Variants in EBF3 observed in about 807,000 individuals in gnomAD.
The protein encoded by EBF3 is EBF transcription factor 3, also known as transcription factor COE3.
EBF3 carries 18 observed loss-of-function variants against 77.1 expected under a neutral mutation model. That is an observed-to-expected ratio of 0.23 (90% confidence interval 0.16 to 0.35). The LOEUF (loss-of-function observed/expected upper bound fraction) is 0.35. Ranked by LOEUF, EBF3 falls within the 10% of genes least tolerant of loss-of-function variation. The probability of loss-of-function intolerance (pLI) is 1.00; values close to 1 mark genes in which losing one functional copy is unlikely to be tolerated. For missense variants in EBF3, 558 were observed against 860.0 expected (o/e 0.65, Z 4.39); for synonymous variants, 350 against 343.5 (o/e 1.02, Z -0.21).
At chr10:129,872,574 T>C (rs55870719) in intron 8 of EBF3, among the ~76,000 whole-genome samples, 2,119 of 152,326 alleles carry the variant, frequency 0.014, 53 homozygotes, top group African/African-American at 0.048. Flanking sequence ...CTTAAAACCA[T>C]TTAGTTTTAC....
In EBF3 at chr10:129,897,833, G is replaced by A. The variant is rs887164682; in HGVS notation, c.555-19984C>T. The stretch of plus-strand genomic sequence containing the variant: ...ACTTGTGGGTATGCGAGTACATGGC[G>A]GCCAGAGGCAGATATCATTGAACTT... On this transcript the variant is annotated intron_variant, in intron 6 of 16. Coordinates refer to ENST00000440978, the MANE Select transcript of EBF3 (RefSeq NM_001375380.1). The surrounding 1 kb of genome is among the most constrained non-coding windows in gnomAD (Gnocchi z 4.6). Among the ~76,000 whole-genome samples, 3 of 152,166 alleles carry A rather than the reference G, an allele frequency of 2.0e-5. No homozygotes were observed. Among genetic ancestry groups the A allele is most frequent in the Non-Finnish European group, 2.9e-5 (2 of 68,024 alleles).
intron 6 of EBF3, among the ~76,000 whole-genome samples, chr10:129,901,609 T>C (rs1180060660): frequency 6.6e-6 from 1 of 152,354 alleles, no homozygotes; most frequent in Middle Eastern, 3.4e-3. Flanking sequence ...GTTTCGGCAG[T>C]TCTCAGTAAA....
At chr10:129,851,590 A>G (rs1850888369) in intron 10 of EBF3, among the ~76,000 whole-genome samples, 1 of 152,212 alleles carries the variant, frequency 6.6e-6, no homozygotes, top group South Asian at 2.1e-4. Flanking sequence ...AACTTTCTGC[A>G]TGGAATTCCA....
intron 6 of EBF3, among the ~76,000 whole-genome samples, chr10:129,922,256 G>A (rs976809654): frequency 1.2e-4 from 19 of 152,144 alleles, no homozygotes; most frequent in African/African-American, 4.6e-4. Context: ...CACTCACAAC[G>A]AGGCCCTGCC....
intron 6 of EBF3, among the ~76,000 whole-genome samples, chr10:129,890,390 G>T (rs780201045): frequency 2.0e-5 from 3 of 152,198 alleles, no homozygotes; most frequent in Non-Finnish European, 2.9e-5. Flanking sequence ...GATCCCCAAG[G>T]CCCGGAGGGA....
chr10:129,850,909 A>G (rs1850830148), intron 10 of EBF3, among the ~76,000 whole-genome samples: 1 of 152,142 alleles, frequency 6.6e-6, no homozygotes, highest in Non-Finnish European at 1.5e-5. Context: ...CGGGAGGAGA[A>G]AGCACCGGGG....
chr10:129,909,751 G>A (rs946380515), intron 6 of EBF3, among the ~76,000 whole-genome samples: 12 of 152,110 alleles, frequency 7.9e-5, no homozygotes, highest in Admixed American at 2.0e-4. Flanking sequence ...GTGGCACACC[G>A]TCAGCCGCCA....
intron 6 of EBF3, among the ~76,000 whole-genome samples, chr10:129,882,605 C>T (rs1022305442): frequency 3.9e-5 from 6 of 152,234 alleles, no homozygotes; most frequent in Admixed American, 6.5e-5. Context: ...AATTACAGCC[C>T]TGCAAAACCT....
chr10:129,934,772 A>T (rs1857247782), intron 6 of EBF3, among the ~76,000 whole-genome samples: 7 of 152,124 alleles, frequency 4.6e-5, no homozygotes, highest in Admixed American at 4.6e-4. Flanking sequence ...CCACATTTGG[A>T]TCTGAGCTGC....
intron 10 of EBF3, among the ~76,000 whole-genome samples, chr10:129,865,907 T>C (rs1322140190): frequency 6.6e-6 from 1 of 152,152 alleles, no homozygotes; most frequent in Non-Finnish European, 1.5e-5. Context: ...CTAGTCCAGG[T>C]TCCTGCTGTG....
chr10:129,962,113 G>T, intron 4 of EBF3, 58 bp downstream of exon 4: 2 of 1,580,594 alleles, frequency 1.3e-6, no homozygotes, highest in East Asian at 2.2e-5. Flanking sequence ...TGCCTCTGAA[G>T]CCCAGGACAA....
chr10:129,903,149 G>A (rs1459754583), intron 6 of EBF3, among the ~76,000 whole-genome samples: 1 of 152,220 alleles, frequency 6.6e-6, no homozygotes, highest in Non-Finnish European at 1.5e-5. Flanking sequence ...TCCAACTGAA[G>A]TTCCATTCCA....
Position 129,879,656 on chromosome 10 carries a change from G to A in EBF3, c.555-1807C>T, listed in dbSNP as rs1853054818. On this transcript the variant is annotated intron_variant, in intron 6 of 16. Transcript: ENST00000440978. This position sits in a 1 kb window ranked among gnomAD's most constrained non-coding sequence, Gnocchi z 4.7. The stretch of plus-strand genomic sequence containing the variant: ...CTCACCTATACACTTAGCTCACAAT[G>A]CCTCTTCACACCATCTGCCATCAGC... Among the ~76,000 whole-genome samples the A allele has an allele frequency of 6.6e-6, 1 of 152,134 alleles. No homozygotes were observed. Among genetic ancestry groups the A allele is most frequent in the South Asian group, 2.1e-4 (1 of 4,818 alleles).
chr10:129,858,829 T>C (rs144511583), intron 10 of EBF3, among the ~76,000 whole-genome samples: 38 of 152,218 alleles, frequency 2.5e-4, no homozygotes, highest in African/African-American at 8.2e-4. Flanking sequence ...CAGAAAGGGC[T>C]ATCTCAAGAG....
chr10:129,910,312 T>A (rs1432853348), intron 6 of EBF3, among the ~76,000 whole-genome samples: 1 of 152,252 alleles, frequency 6.6e-6, no homozygotes, highest in Non-Finnish European at 1.5e-5. Flanking sequence ...TAACCGCATC[T>A]GTTGTCTTTA....
chr10:129,895,439 C>A (rs945765644), intron 6 of EBF3, among the ~76,000 whole-genome samples: 2 of 152,228 alleles, frequency 1.3e-5, no homozygotes, highest in Non-Finnish European at 2.9e-5. Flanking sequence ...CTGAGCTGGG[C>A]TGCGGCCCAG....
chr10:129,958,880 C>A (rs1859251430), intron 5 of EBF3, 54 bp downstream of exon 5: 1 of 1,556,904 alleles, frequency 6.4e-7, no homozygotes, highest in Admixed American at 1.9e-5. Flanking sequence ...CCTTTGTAGA[C>A]GCAGCTGGCG....
chr10:129,953,160 G>A (rs1396718976), intron 6 of EBF3, among the ~76,000 whole-genome samples: 1 of 151,438 alleles, frequency 6.6e-6, no homozygotes, highest in East Asian at 2.0e-4. Flanking sequence ...ACGCACATAT[G>A]AATCAAAGTA....
intron 5 of EBF3, 54 bp from the exon 6 acceptor site, chr10:129,957,380 C>T: frequency 2.8e-6 from 4 of 1,438,662 alleles, no homozygotes; most frequent in African/African-American, 3.2e-5. Context: ...CTTTTATGCC[C>T]GACTTGTATT....
Sources: allele counts gnomAD v4.1 joint callset (sites outside exome capture counted in the v4.1 genomes callset), GRCh38; gene constraint gnomAD v4.1.1; non-coding constraint Gnocchi (gnomAD v3.1); transcripts MANE v1.5; gene names NCBI Gene and HGNC (gene_info 2026-07-23, HGNC 2026-07-21).